The following CBFA2T3 variants were observed in gnomAD, a reference collection of about 807,000 sequenced individuals.
CBFA2T3 encodes CBFA2/RUNX1 partner transcriptional co-repressor 3.
CBFA2T3 carries 31 observed loss-of-function variants against 58.6 expected under a neutral mutation model. That is an observed-to-expected ratio of 0.53 (90% CI 0.40 to 0.71). The LOEUF is 0.71. Ranked by LOEUF, CBFA2T3 falls within the 30% of genes least tolerant of loss-of-function variation. CBFA2T3 has a pLI of 0.00. For missense variants in CBFA2T3, 1,076 were observed against 963.1 expected (o/e 1.12, Z -1.55); for synonymous variants, 531 against 421.9 (o/e 1.26, Z -3.17).
intron 1 of CBFA2T3, chr16:88,951,276 G>A (rs192045041): frequency 6.4e-5 from 29 of 450,008 alleles, no homozygotes; most frequent in Admixed American, 1.9e-4. Flanking sequence ...CTGTTCACCC[G>A]TCCCCTGGAC....
At chr16:88,965,134 C>A (rs1972470196) in intron 1 of CBFA2T3, among the ~76,000 whole-genome samples, 1 of 143,284 alleles carries the variant, frequency 7.0e-6, no homozygotes, top group African/African-American at 2.5e-5. Flanking sequence ...CACCCACCCA[C>A]CCACACATCC....
At chr16:88,903,943 T>C (rs1378142415) in intron 1 of CBFA2T3, among the ~76,000 whole-genome samples, 1 of 152,216 alleles carries the variant, frequency 6.6e-6, no homozygotes, top group Non-Finnish European at 1.5e-5. Flanking sequence ...AGAGCCCCAC[T>C]GGGGAGCTGG....
intron 1 of CBFA2T3, among the ~76,000 whole-genome samples, chr16:88,909,488 C>T (rs940799518): frequency 1.3e-5 from 2 of 152,092 alleles, no homozygotes; most frequent in Admixed American, 6.5e-5. Flanking sequence ...GTGACCCCGA[C>T]GGCAGCTGGG....
Position 88,932,791 on chromosome 16 carries a change from C to CAAAAAAAAAAAA in CBFA2T3, c.152-31147_152-31136dup, listed in dbSNP as rs576934029. Among the ~76,000 whole-genome samples the CAAAAAAAAAAAA allele has an allele frequency of 1.8e-3, 51 of 27,852 alleles. 3 individuals carry two copies. Among genetic ancestry groups the CAAAAAAAAAAAA allele is most frequent in the African/African-American group, 2.4e-3 (19 of 7,998 alleles). The allele number at this position is 27,852 out of a possible 152,430, so 18.3% of individuals were successfully genotyped here. On this transcript the variant is annotated intron_variant, in intron 1 of 11. Transcript: ENST00000268679. The stretch of plus-strand genomic sequence containing the variant: ...GGCAAACCCGTCTCTACTAAAAATA[C>CAAAAAAAAAAAA]AAAAAAAAAAAAAAAAAAAAAAAAA...
chr16:88,975,146 TGTC>T (rs1567643841), intron 1 of CBFA2T3, among the ~76,000 whole-genome samples: 56 of 142,078 alleles, frequency 3.9e-4, no homozygotes, highest in African/African-American at 9.0e-4. Flanking sequence ...CCTGCAGCCA[TGTC>T]AGAGGTCCAC....
chr16:88,880,811 A>C, intron 9 of CBFA2T3, 23 bp from the exon 10 acceptor site: 1 of 1,567,588 alleles, frequency 6.4e-7, no homozygotes, highest in Non-Finnish European at 8.7e-7. Context: ...CCGGCGTCAC[A>C]CAGGATGGGC....
At chr16:88,971,590 GT>G (rs1448364362) in intron 1 of CBFA2T3, among the ~76,000 whole-genome samples, 1 of 152,258 alleles carries the variant, frequency 6.6e-6, no homozygotes, top group African/African-American at 2.4e-5. Context: ...GGACTTGGGG[GT>G]TTTGTGCTGA....
chr16:88,878,506 C>T (rs1326620773), intron 11 of CBFA2T3, among the ~76,000 whole-genome samples: 1 of 152,254 alleles, frequency 6.6e-6, no homozygotes, highest in Non-Finnish European at 1.5e-5. Context: ...GGAGGGTCCT[C>T]TGCCCCCGCC....
rs752927341 is a variant in CBFA2T3, at chr16:88,882,735, C to T, written c.1144G>A (p.Val382Met). The T allele has an allele frequency of 6.3e-7, 1 of 1,586,920 alleles. No individual in the cohort carries two copies. The highest frequency in any genetic ancestry group is 8.6e-7 in the Non-Finnish European group (1 of 1,166,730). ...CGCTCTGTGAGCTTGTGGTCGATCA[C>T]TTCTTCCTGCCGGGACCCAGGCACC... ...LVVPGSRQEE[V>M]IDHKLTEREW... is the part of the protein sequence containing the mutation. The change falls in exon 8 of 12, where the codon GTG becomes ATG. Residue 382 changes from valine (V) to methionine (M), a missense_variant. Coordinates refer to ENST00000268679, the MANE Select transcript of CBFA2T3 (RefSeq NM_005187.6).
intron 1 of CBFA2T3, among the ~76,000 whole-genome samples, chr16:88,929,231 G>A (rs139065326): frequency 0.011 from 1,623 of 152,236 alleles, 16 homozygotes; most frequent in South Asian, 0.02. Context: ...TCTGGCTGCC[G>A]CTGTGCAAAC....
At chr16:88,939,552 G>C (rs1013891622) in intron 1 of CBFA2T3, 14 of 152,312 alleles carry the variant, frequency 9.2e-5, no homozygotes, top group African/African-American at 3.4e-4. Flanking sequence ...GTCCCAAATA[G>C]CATGGCTTTT....
Position 88,886,011 on chromosome 16 carries a change from T to TGAGGAGTCGATGGGG in CBFA2T3, c.828_842dup (p.Pro277_Ser281dup). 1 of 1,561,776 alleles carries TGAGGAGTCGATGGGG rather than the reference T, an allele frequency of 6.4e-7. No homozygotes were observed. ...TCTCGTTGACTTCCAGTAGCAGCTC[T>TGAGGAGTCGATGGGG]GAGGAGTCGATGGGGGAGGAGGCGC... On this transcript the variant is annotated inframe_insertion, in exon 6 of 12. Coordinates refer to ENST00000268679, the MANE Select transcript of CBFA2T3 (RefSeq NM_005187.6).
intron 1 of CBFA2T3, among the ~76,000 whole-genome samples, chr16:88,935,184 C>G (rs988345516): frequency 5.3e-5 from 8 of 152,186 alleles, no homozygotes; most frequent in Non-Finnish European, 1.2e-4. Flanking sequence ...CCAACGCTGC[C>G]CCCGGTCAGG....
At chr16:88,918,810 C>G (rs547056473) in intron 1 of CBFA2T3, among the ~76,000 whole-genome samples, 1 of 152,238 alleles carries the variant, frequency 6.6e-6, no homozygotes. Context: ...TGGAGCCACA[C>G]GGCCTCCAGG....
chr16:88,927,334 G>A (rs1226734270), intron 1 of CBFA2T3, among the ~76,000 whole-genome samples: 1 of 152,190 alleles, frequency 6.6e-6, no homozygotes, highest in Non-Finnish European at 1.5e-5. Context: ...AGGTGAGGCC[G>A]CTGGGCCCCA....
At position 88,880,808 on chromosome 16, in the gene CBFA2T3, C is replaced by T; in HGVS notation, c.1403-20G>A. 6.4e-7 allele frequency: 1 copy of T among 1,569,790 alleles called. No homozygotes were observed. The highest frequency in any genetic ancestry group is 8.6e-7 in the Non-Finnish European group (1 of 1,157,048). Reference sequence around the variant, plus strand: ...GCACGTCTGAAACAGGGGCCGGCGTCACACAGGATGGGCCACGCGGCTGCC... The same window carrying T: ...GCACGTCTGAAACAGGGGCCGGCGTTACACAGGATGGGCCACGCGGCTGCC... On this transcript the variant is annotated intron_variant, in intron 9 of 11. Transcript: ENST00000268679.
intron 1 of CBFA2T3, chr16:88,951,470 A>G (rs1055747983): frequency 2.7e-5 from 10 of 377,148 alleles, no homozygotes; most frequent in African/African-American, 1.5e-4. Context: ...ATTTTCCTAT[A>G]AGTATTTTTG....
At position 88,876,904 on chromosome 16, in the gene CBFA2T3, CA is replaced by C; in HGVS notation, c.*71del. The C allele has an allele frequency of 1.6e-6, 2 of 1,225,418 alleles. No individual in the cohort carries two copies. Among genetic ancestry groups the C allele is most frequent in the Non-Finnish European group, 2.1e-6 (2 of 933,576 alleles). 75.9% of individuals were successfully genotyped at this position (1,225,418 alleles called of 1,614,324 possible). On this transcript the variant is annotated 3_prime_UTR_variant, in exon 12 of 12. Transcript: ENST00000268679. ...CAGGCCAGGCATCGGAGGCCAGGCA[CA>C]GCATCCGGTGGGCCTGGAGCTGGGT...
chr16:88,937,849 G>C (rs993140609), intron 1 of CBFA2T3: 1 of 152,262 alleles, frequency 6.6e-6, no homozygotes. Flanking sequence ...CTCCGGCATT[G>C]ACAAATTGTA....
Sources: gnomAD v4.1 joint callset for allele counts (sites outside exome capture counted in the v4.1 genomes callset) on GRCh38, gnomAD v4.1.1 for gene constraint, MANE v1.5 for transcripts, NCBI Gene and HGNC (gene_info 2026-07-23, HGNC 2026-07-21) for gene names.